The following MRAP variants were observed in gnomAD, a reference collection of about 807,000 sequenced individuals.
MRAP encodes melanocortin-2 receptor accessory protein.
Under a neutral mutation model 8.7 loss-of-function variants are expected in MRAP, and 8 were observed. That is an observed-to-expected ratio of 0.92 (90% confidence interval 0.54 to 1.66). The LOEUF (loss-of-function observed/expected upper bound fraction) is 1.66, where lower values mean the gene tolerates loss of function less well. Ranked by LOEUF, MRAP falls within the 40% of genes most tolerant of loss-of-function variation. MRAP has a pLI of 0.00. For missense variants in MRAP, 237 were observed against 217.1 expected (o/e 1.09, Z -0.58); for synonymous variants, 95 against 95.5 (o/e 1.00, Z 0.03).
upstream of MRAP, among the ~76,000 whole-genome samples, chr21:32,296,373 CAT>C (rs1187670805): frequency 4.6e-5 from 7 of 152,294 alleles, no homozygotes; most frequent in Middle Eastern, 3.4e-3. Flanking sequence ...ACCTGGGAGA[CAT>C]GTGTACAGCA....
intron 1 of MRAP, among the ~76,000 whole-genome samples, chr21:32,304,978 T>TG (rs2032379456): frequency 5.6e-5 from 8 of 143,178 alleles, no homozygotes; most frequent in African/African-American, 2.1e-4. Context: ...TTTTTTTTTT[T>TG]TTTTTTTTTT....
At chr21:32,294,127 T>G (rs1373074512), upstream of MRAP, among the ~76,000 whole-genome samples, 2 of 152,168 alleles carry the variant, frequency 1.3e-5, no homozygotes, top group Non-Finnish European at 2.9e-5. Context: ...TGTTTGCTTG[T>G]TTTTTGAGAC....
upstream of MRAP, among the ~76,000 whole-genome samples, chr21:32,297,774 T>C (rs1255392611): frequency 6.6e-6 from 1 of 152,238 alleles, no homozygotes; most frequent in Non-Finnish European, 1.5e-5. Context: ...GGTTTTATTT[T>C]ACTTTTCAAG....
At chr21:32,294,364 C>A (rs183364894), upstream of MRAP, among the ~76,000 whole-genome samples, 35 of 152,328 alleles carry the variant, frequency 2.3e-4, no homozygotes, top group East Asian at 6.6e-3. Context: ...ACCCACCCGC[C>A]TCAGCCTCCC....
intron 1 of MRAP, chr21:32,291,855 T>C (rs1232366273): frequency 6.6e-6 from 1 of 152,074 alleles, no homozygotes; most frequent in African/African-American, 2.4e-5. Flanking sequence ...TGGAGGTATA[T>C]AGAAAATCTG....
At chr21:32,304,617 CAAAA>C (rs1399887519) in intron 1 of MRAP, among the ~76,000 whole-genome samples, 1 of 141,854 alleles carries the variant, frequency 7.0e-6, no homozygotes. Context: ...CTGTCTCAAA[CAAAA>C]AAAAACAAAC....
chr21:32,300,644 T>C (rs569261681), intron 1 of MRAP, among the ~76,000 whole-genome samples: 1 of 148,854 alleles, frequency 6.7e-6, no homozygotes, highest in African/African-American at 2.5e-5. Flanking sequence ...TCACACGTCC[T>C]ATGCCGGGGG....
chr21:32,299,195 C>A, intron 1 of MRAP, 118 bp downstream of exon 1: 1 of 777,332 alleles, frequency 1.3e-6, no homozygotes, highest in Non-Finnish European at 2.2e-6. Context: ...CATGGGAAAG[C>A]AGGAATGTGG....
At chr21:32,309,708 C>A (rs140795037) in intron 2 of MRAP, among the ~76,000 whole-genome samples, 2,011 of 149,786 alleles carry the variant, frequency 0.013, 18 homozygotes, top group Non-Finnish European at 0.02. Flanking sequence ...TTTGAGAGGC[C>A]GAGGTGGGTG....
intron 1 of MRAP, 52 bp from the exon 2 acceptor site, chr21:32,306,588 T>C: frequency 6.7e-7 from 1 of 1,486,458 alleles, no homozygotes; most frequent in Non-Finnish European, 9.4e-7. Context: ...CCCCTCAGCG[T>C]TGCTTTATGT....
chr21:32,314,212 T>G (rs1025813315), downstream of MRAP: 22 of 230,834 alleles, frequency 9.5e-5, no homozygotes, highest in East Asian at 1.6e-3. Context: ...TGAGATGGAG[T>G]CTTGCTCTGT....
In MRAP at chr21:32,311,771, G is replaced by A. The variant is rs2032580630; in HGVS notation, c.294G>A (p.Arg98=). The A allele has an allele frequency of 2.5e-6, 4 of 1,614,138 alleles. No individual in the cohort carries two copies. The South Asian group carries it at 3.3e-5, about 13-fold the overall frequency. ...TCCAGAAGTGCCTGCCGTGCCACAG[G>A]GAACCCCTGGCAACCTCACAGGCTC... ...LCIQKCLPCH[R]EPLATSQAQA... is the part of the protein sequence containing the mutation. The change falls in exon 3 of 3, where the codon AGG becomes AGA. Residue 98 remains arginine, a synonymous_variant. Coordinates refer to ENST00000303645, the MANE Select transcript of MRAP (RefSeq NM_001379228.1).
At chr21:32,305,102 G>A (rs528699899) in intron 1 of MRAP, among the ~76,000 whole-genome samples, 2 of 151,404 alleles carry the variant, frequency 1.3e-5, no homozygotes, top group Admixed American at 6.6e-5. Context: ...CCTCATGAAG[G>A]GGTAGGACTA....
upstream of MRAP, among the ~76,000 whole-genome samples, chr21:32,298,174 C>T (rs1477437407): frequency 6.6e-6 from 1 of 152,158 alleles, no homozygotes; most frequent in Non-Finnish European, 1.5e-5. Context: ...TGGAGTCAAG[C>T]TCTACAGAAA....
chr21:32,298,853 C>T (rs2032191299), upstream of MRAP: 1 of 747,612 alleles, frequency 1.3e-6, no homozygotes, highest in African/African-American at 1.7e-5. Flanking sequence ...GCCTAGAGAC[C>T]CACAGACACA....
At chr21:32,309,870 G>A (rs1333196526) in intron 2 of MRAP, among the ~76,000 whole-genome samples, 1 of 151,900 alleles carries the variant, frequency 6.6e-6, no homozygotes, top group Non-Finnish European at 1.5e-5. Flanking sequence ...TTGAACCTGG[G>A]AGGCAGAGGT....
rs1378423216 is a variant in MRAP, at chr21:32,311,702, C to T, written c.225C>T (p.His75=). The T allele has an allele frequency of 1.2e-6, 2 of 1,614,044 alleles. No individual in the cohort carries two copies. The highest frequency in any genetic ancestry group is 1.7e-4 in the Middle Eastern group (1 of 6,058). The part of the protein sequence containing the change: ...SPQMRNSPKH[H]QTCPWSHGLN... ...TTCACAGGAACAGCCCCAAGCACCACCAAACATGCCCCTGGAGTCACGGCC... is the reference window on the plus strand; with the variant it reads ...TTCACAGGAACAGCCCCAAGCACCATCAAACATGCCCCTGGAGTCACGGCC... The change falls in exon 3 of 3, where the codon CAC becomes CAT. Residue 75 remains histidine, a synonymous_variant. Coordinates refer to ENST00000303645, the MANE Select transcript of MRAP (RefSeq NM_001379228.1).
intron 2 of MRAP, chr21:32,311,408 A>AACCCCC: frequency 4.7e-6 from 1 of 212,656 alleles, no homozygotes; most frequent in Non-Finnish European, 9.3e-6. Context: ...GCTCCCCTCC[A>AACCCCC]CCCCCCACCC....
At chr21:32,303,711 A>G (rs1268987741) in intron 1 of MRAP, among the ~76,000 whole-genome samples, 13 of 152,262 alleles carry the variant, frequency 8.5e-5, no homozygotes, top group African/African-American at 2.7e-4. Context: ...AAACCAGCCT[A>G]GGGATGTCTA....
Sources: allele counts gnomAD v4.1 joint callset (sites outside exome capture counted in the v4.1 genomes callset), GRCh38; gene constraint gnomAD v4.1.1; transcripts MANE v1.5; gene names NCBI Gene and HGNC (gene_info 2026-07-23, HGNC 2026-07-21).